Variants in BBS2 observed in about 807,000 individuals in gnomAD.
The protein encoded by BBS2 is Bardet-Biedl syndrome 2.
A neutral mutation model predicts 83.0 loss-of-function variants in BBS2; 62 were observed. The observed-to-expected ratio is 0.75, with a 90% CI of 0.61 to 0.92. BBS2 has a LOEUF of 0.92. Ranked by LOEUF, BBS2 falls within the 40% of genes least tolerant of loss-of-function variation. The pLI, the probability that BBS2 is intolerant of heterozygous loss-of-function variation, is 0.00. For missense variants in BBS2, 784 were observed against 901.0 expected (o/e 0.87, Z 1.66); for synonymous variants, 303 against 326.1 (o/e 0.93, Z 0.76).
chr16:56,513,343 A>G (rs1457874967), intron 2 of BBS2, among the ~76,000 whole-genome samples: 1 of 152,220 alleles, frequency 6.6e-6, no homozygotes, highest in Non-Finnish European at 1.5e-5. Context: ...GAAATACTAC[A>G]GAACCAATAA....
intron 2 of BBS2, among the ~76,000 whole-genome samples, chr16:56,514,154 C>T (rs1964661811): frequency 1.3e-5 from 2 of 152,222 alleles, no homozygotes; most frequent in South Asian, 4.1e-4. Context: ...ACCAGGAGAC[C>T]TGTCTATTGG....
At chr16:56,489,107 G>A (rs954939883) in intron 15 of BBS2, among the ~76,000 whole-genome samples, 1 of 151,888 alleles carries the variant, frequency 6.6e-6, no homozygotes, top group Non-Finnish European at 1.5e-5. Context: ...AAATGGCCGA[G>A]GCAAGAGGAT....
chr16:56,497,650 A>T (rs1321461893), intron 14 of BBS2, 93 bp downstream of exon 14: 1 of 1,545,332 alleles, frequency 6.5e-7, no homozygotes, highest in Non-Finnish European at 8.9e-7. Flanking sequence ...TGAAAACATC[A>T]CTATAACATA....
chr16:56,490,149 C>A (rs573020027), intron 15 of BBS2, among the ~76,000 whole-genome samples: 46 of 139,170 alleles, frequency 3.3e-4, no homozygotes, highest in African/African-American at 6.4e-4. Flanking sequence ...CACACACACA[C>A]AAAAATAATA....
chr16:56,497,621 C>T (rs1964150551), intron 14 of BBS2, 122 bp downstream of exon 14: 6 of 1,406,436 alleles, frequency 4.3e-6, no homozygotes, highest in Non-Finnish European at 6.0e-6. Context: ...ATTTTTACTT[C>T]AAGAATTGCA....
At chr16:56,513,387 A>G (rs555888807) in intron 2 of BBS2, among the ~76,000 whole-genome samples, 2 of 152,346 alleles carry the variant, frequency 1.3e-5, no homozygotes, top group East Asian at 3.9e-4. Context: ...AACTTCATAT[A>G]AAGATGTTCA....
chr16:56,513,581 A>G (rs1232963335), intron 2 of BBS2, among the ~76,000 whole-genome samples: 1 of 152,256 alleles, frequency 6.6e-6, no homozygotes, highest in Non-Finnish European at 1.5e-5. Context: ...AAGAAAAAGA[A>G]GGCAGTCACA....
intron 5 of BBS2, chr16:56,509,363 G>A (rs572690212): frequency 3.3e-4 from 51 of 155,254 alleles, no homozygotes; most frequent in Admixed American, 1.3e-3. Context: ...TTACCCAGGC[G>A]TGGTGGTGCG....
At chr16:56,474,843 T>C in intron 17 of BBS2, 1 of 1,611,224 alleles carries the variant, frequency 6.2e-7, no homozygotes, top group Non-Finnish European at 8.5e-7. Flanking sequence ...AGTGTTCCCA[T>C]GTGCCAAGGG....
chr16:56,497,705 A>G, intron 14 of BBS2, 38 bp downstream of exon 14: 2 of 1,609,510 alleles, frequency 1.2e-6, no homozygotes, highest in East Asian at 4.5e-5. Flanking sequence ...TTATTAGACT[A>G]CCACATTCTC....
Position 56,510,939 on chromosome 16 carries a change from A to G in BBS2, c.472-18T>C. ...CCAGTAACCTGAAAATAAAACCCCA[A>G]ACCATTAGCATGCCATCGTTTCTCC... On this transcript the variant is annotated intron_variant, in intron 3 of 16. Transcript: ENST00000245157. The G allele has an allele frequency of 4.3e-6, 7 of 1,613,750 alleles. No homozygotes were observed. Among genetic ancestry groups the G allele is most frequent in the Non-Finnish European group, 3.4e-6 (4 of 1,179,658 alleles).
At chr16:56,495,564 T>C (rs1236072551) in intron 15 of BBS2, among the ~76,000 whole-genome samples, 1 of 152,156 alleles carries the variant, frequency 6.6e-6, no homozygotes, top group Non-Finnish European at 1.5e-5. Context: ...GATTAAAAGA[T>C]TAAACGATTT....
chr16:56,506,251 C>G, intron 5 of BBS2, 27 bp from the exon 6 acceptor site: 1 of 1,533,772 alleles, frequency 6.5e-7, no homozygotes, highest in African/African-American at 1.4e-5. Context: ...AAAAACACAA[C>G]ATCTTTTCAT....
At chr16:56,490,314 C>T (rs1185385671) in intron 15 of BBS2, among the ~76,000 whole-genome samples, 1 of 151,922 alleles carries the variant, frequency 6.6e-6, no homozygotes, top group African/African-American at 2.4e-5. Context: ...TTACTCTATA[C>T]CCTGCTGTTA....
intron 17 of BBS2, chr16:56,475,027 A>T (rs1963393632): frequency 2.0e-6 from 3 of 1,473,176 alleles, no homozygotes. Context: ...TTTCCAGCTG[A>T]ACCAATTCAT....
intron 17 of BBS2, chr16:56,476,132 G>C: frequency 1.2e-6 from 2 of 1,613,856 alleles, no homozygotes; most frequent in East Asian, 4.5e-5. Context: ...ATTAACCACC[G>C]AAGCCTGGAA....
chr16:56,511,380 A>C lies in BBS2; in HGVS notation c.346-96T>G. 2.0e-6 allele frequency: 3 copies of C among 1,524,116 alleles called. No homozygotes were observed. The East Asian group carries it at 6.8e-5, about 34-fold the overall frequency. The allele number at this position is 1,524,116 out of a possible 1,614,324, so 94.4% of individuals were successfully genotyped here. A position where few individuals can be genotyped will look rare whatever the true frequency, so the allele number is the denominator to read the frequency against. On this transcript the variant is annotated intron_variant, in intron 2 of 16. Coordinates refer to ENST00000245157, the MANE Select transcript of BBS2 (RefSeq NM_031885.5). ...TTTTGAGTAAACTGAGCAGATTTTG[A>C]GTAAAACAGATTATTATCCATAATG...
At chr16:56,490,260 T>A (rs1035133331) in intron 15 of BBS2, among the ~76,000 whole-genome samples, 2 of 152,056 alleles carry the variant, frequency 1.3e-5, no homozygotes, top group African/African-American at 2.4e-5. Flanking sequence ...AGAGACTTAA[T>A]GTAAAAAAGC....
At chr16:56,511,714 G>A (rs1964582144) in intron 2 of BBS2, among the ~76,000 whole-genome samples, 1 of 152,106 alleles carries the variant, frequency 6.6e-6, no homozygotes, top group African/African-American at 2.4e-5. Context: ...ATATGTACAT[G>A]TCCTATTGGT....
Sources: allele counts gnomAD v4.1 joint callset (sites outside exome capture counted in the v4.1 genomes callset), GRCh38; gene constraint gnomAD v4.1.1; transcripts MANE v1.5; gene names NCBI Gene and HGNC (gene_info 2026-07-23, HGNC 2026-07-21).